The following RGS6 variants were observed in gnomAD, a reference collection of about 807,000 sequenced individuals.
The protein encoded by RGS6 is regulator of G-protein signaling 6.
RGS6 carries 30 observed loss-of-function variants against 78.5 expected under a neutral mutation model. That is an observed-to-expected ratio of 0.38 (90% CI 0.29 to 0.52). The LOEUF (loss-of-function observed/expected upper bound fraction) is 0.52. Among genes scored for constraint, RGS6 ranks in the 20% least tolerant of loss-of-function variants. The pLI, the probability that RGS6 is intolerant of heterozygous loss-of-function variation, is 0.85. For missense variants in RGS6, 495 were observed against 609.7 expected (o/e 0.81, Z 1.98); for synonymous variants, 206 against 206.0 (o/e 1.00, Z 0.00).
chr14:72,276,171 A>C (rs948014614), intron 2 of RGS6, among the ~76,000 whole-genome samples: 1 of 152,216 alleles, frequency 6.6e-6, no homozygotes, highest in Admixed American at 6.5e-5. Context: ...TTTGCACAAA[A>C]GTTGACACAT....
chr14:72,302,546 A>G (rs1259167703), intron 2 of RGS6, among the ~76,000 whole-genome samples: 1 of 152,182 alleles, frequency 6.6e-6, no homozygotes, highest in Non-Finnish European at 1.5e-5. Flanking sequence ...TTGGAAACCC[A>G]TACAAAACTC....
the RGS6 span, among the ~76,000 whole-genome samples, chr14:71,879,949 A>G: frequency 6.6e-6 from 1 of 152,206 alleles, no homozygotes; most frequent in African/African-American, 2.4e-5. Flanking sequence ...AAAGTTTGGA[A>G]CTTCCTAGCG....
chr14:72,148,931 C>T (rs961580165), intron 2 of RGS6, among the ~76,000 whole-genome samples: 5 of 152,144 alleles, frequency 3.3e-5, no homozygotes, highest in African/African-American at 9.7e-5. Flanking sequence ...GATAAAGTCC[C>T]AACAGTTATG....
intron 2 of RGS6, among the ~76,000 whole-genome samples, chr14:72,180,305 A>G (rs1416959831): frequency 1.3e-5 from 2 of 152,256 alleles, no homozygotes; most frequent in Non-Finnish European, 2.9e-5. Context: ...GAGTTGGACT[A>G]GACAAAGGCA....
chr14:72,191,467 G>A (rs1054040875), intron 2 of RGS6, among the ~76,000 whole-genome samples: 1 of 152,164 alleles, frequency 6.6e-6, no homozygotes, highest in African/African-American at 2.4e-5. Flanking sequence ...AAAGGAAAAA[G>A]GTTTAATGGA....
chr14:72,376,676 GT>G, intron 3 of RGS6, among the ~76,000 whole-genome samples: 1 of 152,030 alleles, frequency 6.6e-6, no homozygotes, highest in Non-Finnish European at 1.5e-5. Context: ...GAATGATAAA[GT>G]CAAAGTAGTG....
chr14:72,211,198 G>A (rs561679974), intron 2 of RGS6, among the ~76,000 whole-genome samples: 79 of 152,272 alleles, frequency 5.2e-4, no homozygotes, highest in Admixed American at 9.8e-4. Context: ...GAATCAGAAA[G>A]ATAAGAGGAA....
intron 2 of RGS6, among the ~76,000 whole-genome samples, chr14:72,058,460 ATTAAT>A (rs1375523638): frequency 2.0e-5 from 3 of 152,040 alleles, no homozygotes; most frequent in South Asian, 2.1e-4. Context: ...ATATCCATTA[ATTAAT>A]TTATTCTTTA....
At chr14:72,295,267 G>C (rs2064541962) in intron 2 of RGS6, among the ~76,000 whole-genome samples, 1 of 150,218 alleles carries the variant, frequency 6.7e-6, no homozygotes, top group Admixed American at 6.6e-5. Flanking sequence ...CTCCAGCCTG[G>C]GCGACAGAGC....
intron 2 of RGS6, among the ~76,000 whole-genome samples, chr14:72,299,856 C>G (rs2065674086): frequency 6.6e-6 from 1 of 152,154 alleles, no homozygotes. Context: ...TTCTCACTTT[C>G]CTGATATCAG....
Position 72,538,638 on chromosome 14 carries a change from C to T in RGS6, c.1369-1403C>T, listed in dbSNP as rs1340916811. 5.3e-5 allele frequency among the ~76,000 whole-genome samples: 8 copies of T among 152,234 alleles called. No individual in the cohort carries two copies. In the South Asian group the frequency reaches 1.4e-3, roughly 28 times the overall value. On this transcript the variant is annotated intron_variant, in intron 16 of 17. Coordinates refer to ENST00000553525, the MANE Select transcript of RGS6 (RefSeq NM_001204424.2). Reference sequence around the variant, plus strand: ...GGCCTGACTTGAGCCAAGTGTATGCCACCCAGGCTGGCCACAGGGTTCAAG... The same window carrying T: ...GGCCTGACTTGAGCCAAGTGTATGCTACCCAGGCTGGCCACAGGGTTCAAG...
At chr14:72,352,498 C>T (rs1045004120) in intron 3 of RGS6, among the ~76,000 whole-genome samples, 2 of 152,076 alleles carry the variant, frequency 1.3e-5, no homozygotes, top group African/African-American at 4.8e-5. Flanking sequence ...CACACAAGCA[C>T]AGAAATATTA....
At chr14:72,424,622 A>T (rs912998977) in intron 3 of RGS6, among the ~76,000 whole-genome samples, 1 of 152,242 alleles carries the variant, frequency 6.6e-6, no homozygotes, top group African/African-American at 2.4e-5. Flanking sequence ...GAAAAATTAT[A>T]TCATTGCTGA....
At chr14:72,589,990 C>G in the RGS6 span, among the ~76,000 whole-genome samples, 1 of 152,282 alleles carries the variant, frequency 6.6e-6, no homozygotes, top group Admixed American at 6.5e-5. Flanking sequence ...AAGATTTGAA[C>G]AGGCACTTCT....
At chr14:72,548,696 G>C (rs1043978933) in intron 17 of RGS6, among the ~76,000 whole-genome samples, 3 of 152,166 alleles carry the variant, frequency 2.0e-5, no homozygotes, top group Non-Finnish European at 2.9e-5. Context: ...GAAGAGGCTG[G>C]AGTAAAAATG....
At chr14:71,904,290 C>A in the RGS6 span, among the ~76,000 whole-genome samples, 1 of 152,176 alleles carries the variant, frequency 6.6e-6, no homozygotes, top group Non-Finnish European at 1.5e-5. Context: ...AGATACAGAT[C>A]TCAGCAAAAC....
chr14:72,054,456 T>C (rs545489049), intron 2 of RGS6, among the ~76,000 whole-genome samples: 1 of 152,324 alleles, frequency 6.6e-6, no homozygotes, highest in South Asian at 2.1e-4. Context: ...GATTCTAGCA[T>C]ACTAAGTATT....
chr14:72,621,907 G>C, the RGS6 span, among the ~76,000 whole-genome samples: 3 of 152,180 alleles, frequency 2.0e-5, no homozygotes, highest in African/African-American at 4.8e-5. Context: ...ACTCATGGGA[G>C]GGAGAGGGCA....
At chr14:71,937,698 G>C (rs1346468674) in intron 1 of RGS6, among the ~76,000 whole-genome samples, 1 of 152,228 alleles carries the variant, frequency 6.6e-6, no homozygotes, top group African/African-American at 2.4e-5. Flanking sequence ...GGAATACCAC[G>C]ATGGTGGATA....
Sources: gnomAD v4.1 joint callset for allele counts (sites outside exome capture counted in the v4.1 genomes callset) on GRCh38, gnomAD v4.1.1 for gene constraint, MANE v1.5 for transcripts, NCBI Gene and HGNC (gene_info 2026-07-23, HGNC 2026-07-21) for gene names.